Variants in HSPA4 observed in about 807,000 individuals in gnomAD.
HSPA4 encodes the protein heat shock protein family A (Hsp70) member 4.
A neutral mutation model predicts 106.2 loss-of-function variants in HSPA4; 25 were observed. The ratio of observed to expected loss-of-function variants is 0.24; its 90% CI spans 0.17 to 0.33. HSPA4 has a LOEUF of 0.33. HSPA4 is among the 10% of genes least tolerant of loss of function. The pLI is 1.00. For synonymous variants in HSPA4, 332 were observed against 333.6 expected (o/e 1.00, Z 0.05); for missense variants, 841 against 996.0 (o/e 0.84, Z 2.10).
intron 18 of HSPA4, 77 bp downstream of exon 18, chr5:133,104,103 GA>G: frequency 7.0e-7 from 1 of 1,427,754 alleles, no homozygotes; most frequent in Non-Finnish European, 9.7e-7. Flanking sequence ...ACTTAGGAGG[GA>G]ACTTTATTAT....
At chr5:133,088,257 G>A in intron 8 of HSPA4, 147 bp from the exon 9 acceptor site, 1 of 603,974 alleles carries the variant, frequency 1.7e-6, no homozygotes. Context: ...ACCTGCCTCT[G>A]TGAGTGTGGG....
intron 1 of HSPA4, among the ~76,000 whole-genome samples, chr5:133,061,070 A>G (rs1765235641): frequency 6.6e-6 from 1 of 151,742 alleles, no homozygotes. Context: ...CACAACTGAA[A>G]AGCTTCATTA....
At chr5:133,072,762 CCAAAAT>C in intron 4 of HSPA4, among the ~76,000 whole-genome samples, 1 of 152,008 alleles carries the variant, frequency 6.6e-6, no homozygotes, top group Admixed American at 6.6e-5. Flanking sequence ...CTAGCATGAA[CCAAAAT>C]TCCAACTCCC....
chr5:133,058,960 TCTA>T (rs1159205311), intron 1 of HSPA4, among the ~76,000 whole-genome samples: 2 of 151,500 alleles, frequency 1.3e-5, no homozygotes, highest in African/African-American at 4.9e-5. Context: ...AAACCCTGCC[TCTA>T]CTAAAGATAC....
intron 7 of HSPA4, among the ~76,000 whole-genome samples, chr5:133,086,301 C>T (rs542046019): frequency 2.8e-4 from 42 of 152,322 alleles, no homozygotes; most frequent in African/African-American, 8.2e-4. Flanking sequence ...GGTAGCCGCT[C>T]GTCTCCTTTC....
chr5:133,070,286 T>C (rs1181698976), intron 3 of HSPA4, 88 bp from the exon 4 acceptor site: 3 of 1,275,878 alleles, frequency 2.4e-6, no homozygotes, highest in Middle Eastern at 3.8e-4. Context: ...GCATTGATAA[T>C]GGGAAGCATT....
chr5:133,089,876 T>C (rs186217332), intron 11 of HSPA4, among the ~76,000 whole-genome samples, 181 bp downstream of exon 11: 1 of 152,078 alleles, frequency 6.6e-6, no homozygotes. Flanking sequence ...AAAAAGCTTA[T>C]CTACTTGGAG....
At chr5:133,100,276 C>T (rs1437816908) in intron 16 of HSPA4, among the ~76,000 whole-genome samples, 1 of 151,944 alleles carries the variant, frequency 6.6e-6, no homozygotes, top group African/African-American at 2.4e-5. Context: ...ACCATGTTGG[C>T]CAGGCTGGTC....
intron 1 of HSPA4, among the ~76,000 whole-genome samples, chr5:133,059,818 CTG>C (rs755210489): frequency 6.6e-6 from 1 of 152,138 alleles, no homozygotes; most frequent in Non-Finnish European, 1.5e-5. Context: ...CCAGAAGGCT[CTG>C]TAATGAGAAC....
In HSPA4 at chr5:133,073,236, T is replaced by A. The variant is rs757905051; in HGVS notation, c.436T>A (p.Cys146Ser). Residue 146 changes from cysteine to serine, a missense_variant, in exon 5 of 19, where the codon TGT becomes AGT. Transcript: ENST00000304858. ...TTCTTTTTTTTTTTTGTAGGTTCCT[T>A]GTTTCTATACTGATGCAGAAAGACG... is the stretch of plus-strand genomic sequence containing the variant. Reference protein sequence around the residue: ...PVVDCVVSVPCFYTDAERRSV... With the variant: ...PVVDCVVSVPSFYTDAERRSV... 6.3e-7 allele frequency: 1 copy of A among 1,583,584 alleles called. No individual in the cohort carries two copies. The highest frequency in any genetic ancestry group is 1.2e-5 in the South Asian group (1 of 85,754).
At chr5:133,101,670 G>A (rs1765786935) in intron 16 of HSPA4, 89 bp from the exon 17 acceptor site, 1 of 1,229,232 alleles carries the variant, frequency 8.1e-7, no homozygotes, top group East Asian at 2.4e-5. Flanking sequence ...AGCACACGGA[G>A]ATTAAATGTA....
At chr5:133,086,509 A>G (rs1298838036) in intron 7 of HSPA4, among the ~76,000 whole-genome samples, 6 of 152,208 alleles carry the variant, frequency 3.9e-5, no homozygotes, top group Non-Finnish European at 8.8e-5. Context: ...TTTGTGTGTG[A>G]ACATGTGTTT....
Position 133,052,324 on chromosome 5 carries a change from C to T in HSPA4, c.74C>T (p.Thr25Ile), listed in dbSNP as rs375237541. The T allele has an allele frequency of 5.7e-6, 9 of 1,583,912 alleles. No individual in the cohort carries two copies. Among genetic ancestry groups the T allele is most frequent in the Non-Finnish European group, 7.7e-6 (9 of 1,167,640 alleles). Residue 25 changes from threonine (T) to isoleucine (I), a missense_variant, in exon 1 of 19, where the codon ACT becomes ATT. Thr to Ile is a moderately conservative substitution (Grantham distance 89). Around this residue, in one of 5 missense-constraint regions of HSPA4, gnomAD observed 347 missense variants for 408.7 expected, o/e 0.85. Coordinates refer to ENST00000304858, the MANE Select transcript of HSPA4 (RefSeq NM_002154.4). ...VAVARAGGIE[T>I]IANEYSDRCT... ...GTGGCCCGCGCCGGCGGCATCGAGACTATCGCTAATGAGTATAGCGACCGC... is the reference window on the plus strand; with the variant it reads ...GTGGCCCGCGCCGGCGGCATCGAGATTATCGCTAATGAGTATAGCGACCGC...
intron 11 of HSPA4, among the ~76,000 whole-genome samples, chr5:133,090,087 A>G (rs979990531): frequency 3.3e-5 from 5 of 152,186 alleles, no homozygotes; most frequent in African/African-American, 1.2e-4. Context: ...GGTGCTATAT[A>G]CTATAAGGAG....
At chr5:133,062,127 T>C (rs967878211) in intron 1 of HSPA4, among the ~76,000 whole-genome samples, 2 of 152,098 alleles carry the variant, frequency 1.3e-5, no homozygotes, top group Non-Finnish European at 1.5e-5. Flanking sequence ...GAAAATGGGA[T>C]TGGGTTGGGA....
chr5:133,086,687 G>A (rs371766620), intron 7 of HSPA4, 95 bp from the exon 8 acceptor site: 1 of 836,164 alleles, frequency 1.2e-6, no homozygotes, highest in African/African-American at 1.7e-5. Flanking sequence ...GCCAGCACTT[G>A]TTGTTACCTG....
At chr5:133,065,059 A>G (rs757641903) in intron 2 of HSPA4, 22 bp downstream of exon 2, 7 of 1,603,174 alleles carry the variant, frequency 4.4e-6, no homozygotes, top group Non-Finnish European at 6.0e-6. Flanking sequence ...TTTTTTTCCT[A>G]AAATGACTTA....
chr5:133,057,339 C>G (rs1765178081), intron 1 of HSPA4, among the ~76,000 whole-genome samples: 1 of 151,576 alleles, frequency 6.6e-6, no homozygotes, highest in Admixed American at 6.6e-5. Flanking sequence ...GTTGTAATAT[C>G]CTGAGAGTAG....
Position 133,101,877 on chromosome 5 carries a change from A to G in HSPA4, c.2156A>G (p.Lys719Arg), listed in dbSNP as rs773237494. Residue 719 changes from lysine (K) to arginine (R), a missense_variant and splice_region_variant, in exon 17 of 19, where the codon AAG becomes AGG. By Grantham distance (26) the Lys-to-Arg change is conservative. This residue lies in a region of HSPA4 where 328 missense variants were observed against 372.2 expected (regional missense o/e 0.88). Transcript: ENST00000304858. ...AAAATAATCAGCTCTTTCAAAAACA[A>G]GGTAACTTTTTTCTTTGTCCTACTC... ...YMKIISSFKN[K>R]EDQYDHLDAA... 41 of 1,556,538 alleles carry G rather than the reference A, an allele frequency of 2.6e-5. No individual in the cohort carries two copies. Among genetic ancestry groups the G allele is most frequent in the African/African-American group, 4.1e-5 (3 of 72,362 alleles).
Sources: allele counts gnomAD v4.1 joint callset (sites outside exome capture counted in the v4.1 genomes callset), GRCh38; gene constraint gnomAD v4.1.1; regional missense constraint gnomAD v4.1.1; transcripts MANE v1.5; gene names NCBI Gene and HGNC (gene_info 2026-07-23, HGNC 2026-07-21).